FREM1: variants seen among roughly 807,000 people sequenced by gnomAD.
FREM1 encodes FRAS1 related extracellular matrix 1.
A neutral mutation model predicts 210.1 loss-of-function variants in FREM1; 220 were observed. The observed-to-expected ratio is 1.05, with a 90% CI of 0.94 to 1.17. FREM1 has a LOEUF of 1.17. Ranked by LOEUF, FREM1 falls within the 50% of genes most tolerant of loss-of-function variation. FREM1 has a pLI of 0.00. For synonymous variants in FREM1, 1,189 were observed against 980.2 expected (o/e 1.21, Z -3.98); for missense variants, 3,454 against 2,675.5 (o/e 1.29, Z -6.42).
chr9:14,907,320 C>G (rs1183374120), intron 1 of FREM1, among the ~76,000 whole-genome samples: 2 of 152,224 alleles, frequency 1.3e-5, no homozygotes, highest in Non-Finnish European at 2.9e-5. Context: ...GCATTACAGA[C>G]AAAATATAGT....
chr9:14,860,717 A>ACACATATATATG (rs1564100686), intron 3 of FREM1, among the ~76,000 whole-genome samples: 1 of 81,688 alleles, frequency 1.2e-5, no homozygotes, highest in African/African-American at 5.2e-5. Context: ...ACACATATAT[A>ACACATATATATG]CACATATATA....
At chr9:14,788,818 A>C in intron 23 of FREM1, 101 bp downstream of exon 23, 1 of 923,626 alleles carries the variant, frequency 1.1e-6, no homozygotes, top group Non-Finnish European at 1.6e-6. Context: ...GGCAGGAAAA[A>C]AGGAAAGAAG....
intron 3 of FREM1, among the ~76,000 whole-genome samples, chr9:14,861,178 TA>T (rs1451274147): frequency 1.6e-5 from 2 of 127,302 alleles, no homozygotes; most frequent in East Asian, 4.8e-4. Flanking sequence ...TGTATGTACA[TA>T]TATACACATA....
chr9:14,894,397 G>A (rs1429301165), intron 1 of FREM1, among the ~76,000 whole-genome samples: 1 of 152,148 alleles, frequency 6.6e-6, no homozygotes, highest in Admixed American at 6.5e-5. Context: ...TTGTTGTCTT[G>A]TTTTAATCCT....
rs888823854 is a variant in FREM1, at chr9:14,757,282, C to A, written c.5335-836G>T. On this transcript the variant is annotated intron_variant, in intron 28 of 36. Transcript: ENST00000380880. ...GTTAAGAAGTGTCCTTGAGCCGGCA[C>A]GGTGGCTCACGCCTGTAATCCCAGC... Among the ~76,000 whole-genome samples, 3 of 152,180 alleles carry A rather than the reference C, an allele frequency of 2.0e-5. No individual in the cohort carries two copies. In the South Asian group the frequency reaches 6.2e-4, roughly 32 times the overall value.
chr9:14,851,138 G>A, intron 6 of FREM1, 146 bp downstream of exon 6: 1 of 641,998 alleles, frequency 1.6e-6, no homozygotes, highest in South Asian at 2.4e-5. Flanking sequence ...GGCTCCTCTG[G>A]GCAGTGAGTG....
intron 1 of FREM1, among the ~76,000 whole-genome samples, chr9:14,872,262 A>G (rs936093697): frequency 6.6e-6 from 1 of 152,002 alleles, no homozygotes; most frequent in African/African-American, 2.4e-5. Context: ...CTTGGGCAGT[A>G]TGGCCATTTT....
At chr9:14,834,309 C>G (rs1824134603) in intron 10 of FREM1, among the ~76,000 whole-genome samples, 1 of 152,142 alleles carries the variant, frequency 6.6e-6, no homozygotes, top group South Asian at 2.1e-4. Flanking sequence ...AAGCACTACA[C>G]CTTCTTCTCC....
In FREM1 at chr9:14,859,415, G is replaced by A. The variant is rs757584808; in HGVS notation, c.399C>T (p.Asn133=). The A allele has an allele frequency of 2.5e-6, 4 of 1,613,786 alleles. No homozygotes were observed. The highest frequency in any genetic ancestry group is 2.2e-5 in the South Asian group (2 of 91,070). Reference sequence around the variant, plus strand: ...GCACATTGTTACTCATATGGATGATGTTACAGTCTGGTTCCAGGAGATAGA... The same window carrying A: ...GCACATTGTTACTCATATGGATGATATTACAGTCTGGTTCCAGGAGATAGA... The part of the protein sequence containing the change: ...LWVYLLEPDC[N]IIHMSNNVLE... The change falls in exon 4 of 37, where the codon AAC becomes AAT. Residue 133 remains asparagine (N), a synonymous_variant. Coordinates refer to ENST00000380880, the MANE Select transcript of FREM1 (RefSeq NM_001379081.2).
At chr9:14,771,756 G>C (rs1316354889) in intron 25 of FREM1, among the ~76,000 whole-genome samples, 2 of 152,032 alleles carry the variant, frequency 1.3e-5, no homozygotes, top group African/African-American at 2.4e-5. Flanking sequence ...TCAATGATAA[G>C]ACCATGTATA....
chr9:14,862,899 AT>A (rs1445367927), intron 3 of FREM1, among the ~76,000 whole-genome samples: 6 of 152,150 alleles, frequency 3.9e-5, no homozygotes, highest in African/African-American at 1.4e-4. Context: ...GATTTATTCC[AT>A]TTTTTGGCTG....
intron 6 of FREM1, among the ~76,000 whole-genome samples, chr9:14,849,995 C>T (rs887684508): frequency 7.9e-5 from 12 of 152,150 alleles, no homozygotes; most frequent in African/African-American, 2.9e-4. Context: ...AGCCTGAAGT[C>T]CTTTGTCTTC....
At chr9:14,786,445 G>A (rs1850439920) in intron 23 of FREM1, among the ~76,000 whole-genome samples, 1 of 152,160 alleles carries the variant, frequency 6.6e-6, no homozygotes, top group African/African-American at 2.4e-5. Flanking sequence ...TCAGCCTCAT[G>A]AAGAAATAAG....
rs192052075 is a variant in FREM1 at position 14,879,839 on chromosome 9, A to G, written c.-267-10595T>C. Among the ~76,000 whole-genome samples the G allele has an allele frequency of 2.2e-4, 34 of 152,304 alleles. No individual in the cohort carries two copies. In the East Asian group the frequency reaches 6.4e-3, roughly 29 times the overall value. On this transcript the variant is annotated intron_variant, in intron 1 of 36. Coordinates refer to ENST00000380880, the MANE Select transcript of FREM1 (RefSeq NM_001379081.2). ...TGTAATTAAATGGGCATGGAGAAAAATATGGACAGACAAGCATTAGGTTGT... is the reference window on the plus strand; with the variant it reads ...TGTAATTAAATGGGCATGGAGAAAAGTATGGACAGACAAGCATTAGGTTGT...
chr9:14,796,630 C>T (rs981796174), intron 21 of FREM1, among the ~76,000 whole-genome samples: 1 of 152,256 alleles, frequency 6.6e-6, no homozygotes, highest in Non-Finnish European at 1.5e-5. Context: ...AATCGTGGGG[C>T]AGTTTCCCCC....
At chr9:14,825,303 C>A (rs555467654) in intron 10 of FREM1, among the ~76,000 whole-genome samples, 1 of 151,600 alleles carries the variant, frequency 6.6e-6, no homozygotes, top group East Asian at 2.0e-4. Flanking sequence ...GCCTGGCCAA[C>A]ATAGTGAAAC....
intron 24 of FREM1, chr9:14,782,429 G>A (rs1214389941): frequency 1.3e-6 from 1 of 754,882 alleles, no homozygotes; most frequent in Non-Finnish European, 1.6e-6. Flanking sequence ...AAGGTCACTG[G>A]TTTCTTCAAG....
chr9:14,776,236 G>A (rs749330806), intron 24 of FREM1, 33 bp from the exon 25 acceptor site: 9 of 1,503,308 alleles, frequency 6.0e-6, no homozygotes, highest in South Asian at 5.7e-5. Flanking sequence ...CCTTCAGCAT[G>A]GATTCTTGTG....
intron 27 of FREM1, among the ~76,000 whole-genome samples, chr9:14,760,180 A>T (rs192417531): frequency 3.9e-4 from 60 of 152,348 alleles, no homozygotes; most frequent in African/African-American, 1.4e-3. Flanking sequence ...TGTCTCCCAG[A>T]TATTTACAAC....
Sources: gnomAD v4.1 joint callset for allele counts (sites outside exome capture counted in the v4.1 genomes callset) on GRCh38, gnomAD v4.1.1 for gene constraint, MANE v1.5 for transcripts, NCBI Gene and HGNC (gene_info 2026-07-23, HGNC 2026-07-21) for gene names.